The following IL1RAPL1 variants were observed in gnomAD, a reference collection of about 807,000 sequenced individuals.
IL1RAPL1 encodes interleukin 1 receptor accessory protein like 1, also known as interleukin-1 receptor accessory protein-like 1.
Under a neutral mutation model 48.4 loss-of-function variants are expected in IL1RAPL1, and 3 were observed. The observed-to-expected ratio is 0.06, with a 90% CI of 0.03 to 0.16. The LOEUF (loss-of-function observed/expected upper bound fraction) is 0.16, where lower values mean the gene tolerates loss of function less well. Among genes scored for constraint, IL1RAPL1 ranks in the 10% least tolerant of loss-of-function variants. The probability of loss-of-function intolerance (pLI) is 1.00; values close to 1 mark genes in which losing one functional copy is unlikely to be tolerated. For synonymous variants in IL1RAPL1, 185 were observed against 187.7 expected, an observed-to-expected ratio of 0.99 and a Z score of 0.12; for missense variants, 349 against 530.6, an observed-to-expected ratio of 0.66 and a Z score of 3.36.
chrX:29,650,742 A>G (rs1467742333), intron 5 of IL1RAPL1, among the ~76,000 whole-genome samples: 2 of 111,039 alleles, frequency 1.8e-5, no homozygotes, highest in Non-Finnish European at 3.8e-5. Context: ...TGACTTCAAA[A>G]ACAGAGGCAA....
At chrX:29,617,524 C>G (rs1012083119) in intron 5 of IL1RAPL1, among the ~76,000 whole-genome samples, 1 of 111,809 alleles carries the variant, frequency 8.9e-6, no homozygotes, top group Non-Finnish European at 1.9e-5. Context: ...AGGTCAGGAG[C>G]TATTAACTGT....
intron 5 of IL1RAPL1, among the ~76,000 whole-genome samples, chrX:29,596,089 G>T (rs150048230): frequency 0.056 from 6,276 of 111,643 alleles, 156 homozygotes; most frequent in East Asian, 0.12. Context: ...ATTGGTCTAT[G>T]TGCCTATTTT....
chrX:29,875,627 G>A (rs971869761), intron 6 of IL1RAPL1, among the ~76,000 whole-genome samples: 7 of 111,649 alleles, frequency 6.3e-5, no homozygotes, highest in Admixed American at 2.9e-4. Context: ...CATCAGTCTA[G>A]AGTTCTACAA....
intron 6 of IL1RAPL1, among the ~76,000 whole-genome samples, chrX:29,916,317 A>C (rs112677381): frequency 9.0e-6 from 1 of 111,583 alleles, no homozygotes; most frequent in South Asian, 3.8e-4. Flanking sequence ...TCCCTGAGGA[A>C]TCGCCACACT....
chrX:29,766,801 G>GTT (rs1334042242), intron 6 of IL1RAPL1, among the ~76,000 whole-genome samples: 1 of 102,869 alleles, frequency 9.7e-6, no homozygotes, highest in Non-Finnish European at 1.9e-5. Flanking sequence ...TATATAATGT[G>GTT]TTATATATAA....
chrX:29,660,830 A>G (rs57463801), intron 5 of IL1RAPL1, among the ~76,000 whole-genome samples: 10,051 of 111,943 alleles, frequency 0.09, 367 homozygotes, highest in Middle Eastern at 0.2. Context: ...ATTTCGTTCC[A>G]TATGAATTTT....
At chrX:28,855,979 A>G (rs1341975436) in intron 2 of IL1RAPL1, among the ~76,000 whole-genome samples, 2 of 112,020 alleles carry the variant, frequency 1.8e-5, no homozygotes, top group African/African-American at 6.5e-5. Context: ...TCTCTATGTC[A>G]AAGAATATTT....
At chrX:29,592,875 C>T (rs1406826026) in intron 5 of IL1RAPL1, among the ~76,000 whole-genome samples, 6 of 111,829 alleles carry the variant, frequency 5.4e-5, no homozygotes, top group Non-Finnish European at 1.1e-4. Flanking sequence ...CTCCTTGCAC[C>T]AGGCCCACAG....
intron 5 of IL1RAPL1, among the ~76,000 whole-genome samples, chrX:29,621,576 C>T (rs1432908072): frequency 1.8e-5 from 2 of 110,956 alleles, no homozygotes; most frequent in African/African-American, 6.5e-5. Flanking sequence ...GCTGTTCATA[C>T]TTATGGGAGA....
chrX:29,110,613 T>G (rs1344948503), intron 2 of IL1RAPL1, among the ~76,000 whole-genome samples: 1 of 111,763 alleles, frequency 8.9e-6, no homozygotes, highest in East Asian at 2.8e-4. Context: ...ATTGCGAAAA[T>G]TGTAATGCTG....
At chrX:29,255,751 C>T (rs1406536419) in intron 2 of IL1RAPL1, among the ~76,000 whole-genome samples, 1 of 110,937 alleles carries the variant, frequency 9.0e-6, no homozygotes, top group Non-Finnish European at 1.9e-5. Flanking sequence ...TAGGTGATGG[C>T]CCCCAGCTGC....
chrX:28,610,813 T>G lies in IL1RAPL1; in HGVS notation c.-25+22766T>G, dbSNP rs1934138080. On this transcript the variant is annotated intron_variant, in intron 1 of 10. Coordinates refer to ENST00000378993, the MANE Select transcript of IL1RAPL1 (RefSeq NM_014271.4). ...AGTAGGTCTGCGGTGGAGCCAAGAT[T>G]CTGCATTTCTAATAAGCTCTCTGGT... is the stretch of plus-strand genomic sequence containing the variant. Among the ~76,000 whole-genome samples, 3 of 110,697 alleles carry G rather than the reference T, an allele frequency of 2.7e-5. No individual in the cohort carries two copies. The Admixed American group carries it at 2.9e-4, about 11-fold the overall frequency.
At chrX:29,445,503 C>T (rs1056353023) in intron 5 of IL1RAPL1, among the ~76,000 whole-genome samples, 17 of 112,073 alleles carry the variant, frequency 1.5e-4, no homozygotes, top group African/African-American at 5.2e-4. Context: ...TCCCTTTTCA[C>T]CAGCAGGGTC....
chrX:28,737,145 C>T (rs866024265), intron 1 of IL1RAPL1, among the ~76,000 whole-genome samples: 14 of 29,743 alleles, frequency 4.7e-4, no homozygotes, highest in South Asian at 1.4e-3. Context: ...TTCCTTCCTT[C>T]CTTCCTTCCT....
At chrX:28,911,690 T>C (rs1923364672) in intron 2 of IL1RAPL1, among the ~76,000 whole-genome samples, 1 of 111,183 alleles carries the variant, frequency 9.0e-6, no homozygotes, top group Non-Finnish European at 1.9e-5. Flanking sequence ...ATGACCACAT[T>C]GTTCACAGTT....
In IL1RAPL1 at chrX:29,050,072, A is replaced by G. The variant is rs183866745; in HGVS notation, c.83-232866A>G. Among the ~76,000 whole-genome samples, 14 of 111,001 alleles carry G rather than the reference A, an allele frequency of 1.3e-4. No individual in the cohort carries two copies. In the Middle Eastern group the frequency reaches 0.014, roughly 110 times the overall value. Reference sequence around the variant, plus strand: ...GTTTCTCAGTCTTTCCTTGTTTTCCATGACTATCACACTATTTTTTTCAGA... The same window carrying G: ...GTTTCTCAGTCTTTCCTTGTTTTCCGTGACTATCACACTATTTTTTTCAGA... On this transcript the variant is annotated intron_variant, in intron 2 of 10. Coordinates refer to ENST00000378993, the MANE Select transcript of IL1RAPL1 (RefSeq NM_014271.4).
intron 2 of IL1RAPL1, among the ~76,000 whole-genome samples, chrX:29,145,601 T>C (rs999330580): frequency 9.0e-6 from 1 of 111,278 alleles, no homozygotes; most frequent in Non-Finnish European, 1.9e-5. Context: ...CAAATACTAA[T>C]CTCCAGCTCA....
At chrX:29,022,441 A>T (rs868868828) in intron 2 of IL1RAPL1, among the ~76,000 whole-genome samples, 1 of 112,117 alleles carries the variant, frequency 8.9e-6, no homozygotes, top group Non-Finnish European at 1.9e-5. Flanking sequence ...TCAAGTCATA[A>T]TGTGTACCAT....
chrX:29,704,407 G>A (rs5928124), intron 6 of IL1RAPL1, among the ~76,000 whole-genome samples: 210 of 111,670 alleles, frequency 1.9e-3, no homozygotes, highest in Non-Finnish European at 3.1e-3. Context: ...GGTGGCTCAC[G>A]CCTGTAATCC....
Sources: gnomAD v4.1 joint callset for allele counts (sites outside exome capture counted in the v4.1 genomes callset) on GRCh38, gnomAD v4.1.1 for gene constraint, MANE v1.5 for transcripts, NCBI Gene and HGNC (gene_info 2026-07-23, HGNC 2026-07-21) for gene names.